RABGAP1: variants seen among roughly 807,000 people sequenced by gnomAD.
RABGAP1 encodes RAB GTPase activating protein 1.
RABGAP1 carries 23 observed loss-of-function variants against 137.6 expected under a neutral mutation model. The ratio of observed to expected loss-of-function variants is 0.17; its 90% confidence interval spans 0.12 to 0.24. RABGAP1 has a LOEUF of 0.24. Among genes scored for constraint, RABGAP1 ranks in the 10% least tolerant of loss-of-function variants. The probability of loss-of-function intolerance (pLI) is 1.00; values close to 1 mark genes in which losing one functional copy is unlikely to be tolerated. For missense variants in RABGAP1, 906 were observed against 1,275.8 expected, an observed-to-expected ratio of 0.71 and a Z score of 4.42; for synonymous variants, 451 against 450.7, an observed-to-expected ratio of 1.00 and a Z score of -0.01.
intron 6 of RABGAP1, 37 bp downstream of exon 6, chr9:122,990,250 G>A: frequency 6.6e-7 from 1 of 1,515,328 alleles, no homozygotes; most frequent in Non-Finnish European, 9.0e-7. Flanking sequence ...TTAACATGCT[G>A]TGGTTCAGGG....
chr9:123,101,868 T>A, intron 25 of RABGAP1, 105 bp downstream of exon 25: 2 of 1,207,128 alleles, frequency 1.7e-6, no homozygotes, highest in Non-Finnish European at 2.2e-6. Flanking sequence ...CCACACCTTT[T>A]AAACTTTGGT....
intron 2 of RABGAP1, among the ~76,000 whole-genome samples, chr9:122,963,058 A>G (rs769979188): frequency 2.0e-5 from 3 of 152,198 alleles, no homozygotes; most frequent in Non-Finnish European, 2.9e-5. Flanking sequence ...CTAATAACCA[A>G]GCACCAAAAT....
intron 13 of RABGAP1, among the ~76,000 whole-genome samples, chr9:123,043,744 G>A (rs1437465661): frequency 6.6e-6 from 1 of 151,802 alleles, no homozygotes; most frequent in Non-Finnish European, 1.5e-5. Context: ...AGCAACTTAA[G>A]CATTTTATTC....
chr9:122,999,338 A>T (rs1340446456), intron 10 of RABGAP1, among the ~76,000 whole-genome samples: 2 of 150,038 alleles, frequency 1.3e-5, no homozygotes, highest in Non-Finnish European at 3.0e-5. Context: ...GTATGCCAGC[A>T]TGCCCGGCTA....
At chr9:122,998,400 T>C (rs933595185) in intron 9 of RABGAP1, among the ~76,000 whole-genome samples, 197 bp from the exon 10 acceptor site, 1 of 152,246 alleles carries the variant, frequency 6.6e-6, no homozygotes, top group African/African-American at 2.4e-5. Flanking sequence ...CTACTGTCAG[T>C]TACTTTAAAA....
chr9:122,944,378 T>TG (rs1256537042), intron 1 of RABGAP1, among the ~76,000 whole-genome samples: 1 of 151,976 alleles, frequency 6.6e-6, no homozygotes, highest in Admixed American at 6.5e-5. Context: ...TGCAGGCACA[T>TG]GCGACCACAC....
At chr9:122,959,675 TA>T (rs1834747949) in intron 2 of RABGAP1, among the ~76,000 whole-genome samples, 2 of 152,306 alleles carry the variant, frequency 1.3e-5, no homozygotes, top group Non-Finnish European at 2.9e-5. Flanking sequence ...AGAGAGATGG[TA>T]ACTCTTCTCC....
chr9:123,013,503 G>C (rs1693889029), intron 11 of RABGAP1, among the ~76,000 whole-genome samples: 1 of 151,970 alleles, frequency 6.6e-6, no homozygotes, highest in African/African-American at 2.4e-5. Flanking sequence ...GCTAATTTTT[G>C]TATGTTTTAG....
intron 13 of RABGAP1, among the ~76,000 whole-genome samples, chr9:123,051,958 AT>A (rs58591585): frequency 0.067 from 8,712 of 130,534 alleles, 257 homozygotes; most frequent in African/African-American, 0.084. Flanking sequence ...CGCCCGGCTA[AT>A]TTTTTTTTTT....
intron 1 of RABGAP1, among the ~76,000 whole-genome samples, chr9:122,952,329 G>C (rs1006016498): frequency 1.1e-4 from 16 of 151,894 alleles, no homozygotes; most frequent in Non-Finnish European, 1.8e-4. Context: ...TGCGATATTG[G>C]CTCACTGCAA....
At chr9:123,048,635 G>A (rs971989799) in intron 13 of RABGAP1, among the ~76,000 whole-genome samples, 3 of 152,240 alleles carry the variant, frequency 2.0e-5, no homozygotes, top group African/African-American at 4.8e-5. Context: ...GTTCATCACA[G>A]TTATCAGAAA....
chr9:122,982,939 G>A (rs1280279736), intron 2 of RABGAP1, among the ~76,000 whole-genome samples: 6 of 151,954 alleles, frequency 3.9e-5, no homozygotes, highest in South Asian at 4.1e-4. Flanking sequence ...GCGTGATCTC[G>A]GGTCACTGCA....
At chr9:122,975,122 G>A (rs1588198426) in intron 2 of RABGAP1, among the ~76,000 whole-genome samples, 1 of 152,192 alleles carries the variant, frequency 6.6e-6, no homozygotes, top group Admixed American at 6.5e-5. Flanking sequence ...TTTTACTGCA[G>A]TAGGATTAAA....
intron 2 of RABGAP1, among the ~76,000 whole-genome samples, chr9:122,970,811 T>C (rs1835429231): frequency 6.6e-6 from 1 of 152,222 alleles, no homozygotes; most frequent in African/African-American, 2.4e-5. Flanking sequence ...TTTGAAAATA[T>C]GATAACCTAC....
At chr9:123,065,239 A>G (rs2034130954) in intron 13 of RABGAP1, 109 bp from the exon 14 acceptor site, 2 of 761,428 alleles carry the variant, frequency 2.6e-6, no homozygotes, top group South Asian at 1.8e-5. Context: ...ATGTGTATGT[A>G]TGTCCCTGCA....
rs2034136152 is a variant in RABGAP1 at position 123,065,354 on chromosome 9, C to T, written c.1801C>T (p.Pro601Ser). 6.2e-7 allele frequency: 1 copy of T among 1,607,540 alleles called. No homozygotes were observed. Among genetic ancestry groups the T allele is most frequent in the African/African-American group, 1.3e-5 (1 of 74,690 alleles). ...KYRILITKES[P>S]QDSAITRDIN... is the part of the protein sequence containing the mutation. ...TTTCCTTATGTTTCCACAGGAGTCTCCCCAGGACAGTGCTATCACCCGGGA... is the reference window on the plus strand; with the variant it reads ...TTTCCTTATGTTTCCACAGGAGTCTTCCCAGGACAGTGCTATCACCCGGGA... The change falls in exon 14 of 26, where the codon CCC becomes TCC. Residue 601 changes from proline to serine, a missense_variant. Coordinates refer to ENST00000373647, the MANE Select transcript of RABGAP1 (RefSeq NM_012197.4).
At chr9:123,029,255 CATAA>C (rs556667239) in intron 13 of RABGAP1, 53 of 482,220 alleles carry the variant, frequency 1.1e-4, no homozygotes, top group South Asian at 1.1e-3. Flanking sequence ...ATGACAGTTA[CATAA>C]ATAAACTCAC....
At chr9:123,101,786 A>C in intron 25 of RABGAP1, 23 bp downstream of exon 25, 2 of 1,554,954 alleles carry the variant, frequency 1.3e-6, no homozygotes, top group Non-Finnish European at 8.7e-7. Flanking sequence ...GAGCTCAGAC[A>C]TGTGCCTGCG....
chr9:123,008,380 C>T (rs922707564), intron 10 of RABGAP1, among the ~76,000 whole-genome samples: 2 of 151,940 alleles, frequency 1.3e-5, no homozygotes, highest in African/African-American at 2.4e-5. Flanking sequence ...CCCGTCTCCA[C>T]TAAAAATACA....
Sources: gnomAD v4.1 joint callset for allele counts (sites outside exome capture counted in the v4.1 genomes callset) on GRCh38, gnomAD v4.1.1 for gene constraint, MANE v1.5 for transcripts, NCBI Gene and HGNC (gene_info 2026-07-23, HGNC 2026-07-21) for gene names.